PDCD6IP: variants seen among roughly 807,000 people sequenced by gnomAD.
PDCD6IP encodes programmed cell death 6 interacting protein.
A neutral mutation model predicts 103.7 loss-of-function variants in PDCD6IP; 43 were observed. That is an observed-to-expected ratio of 0.41 (90% CI 0.32 to 0.53). The LOEUF (loss-of-function observed/expected upper bound fraction) is 0.53, where lower values mean the gene tolerates loss of function less well. Among genes scored for constraint, PDCD6IP ranks in the 20% least tolerant of loss-of-function variants. PDCD6IP has a pLI of 0.16. For missense variants in PDCD6IP, 871 were observed against 1,036.7 expected, an observed-to-expected ratio of 0.84 and a Z score of 2.20; for synonymous variants, 354 against 378.7, an observed-to-expected ratio of 0.93 and a Z score of 0.76.
At chr3:33,866,038 CT>C (rs1487849681) in intron 17 of PDCD6IP, among the ~76,000 whole-genome samples, 1 of 152,028 alleles carries the variant, frequency 6.6e-6, no homozygotes, top group African/African-American at 2.4e-5. Flanking sequence ...ATTTAGATGA[CT>C]AGTTTTGCCA....
rs556037530 is a variant in PDCD6IP at position 33,820,793 on chromosome 3, T to G, written c.335-1162T>G. Reference sequence around the variant, plus strand: ...GTATATACCACATTTTGTTTATATATTCATCAGATCACAGACACTTGGGTT... The same window carrying G: ...GTATATACCACATTTTGTTTATATAGTCATCAGATCACAGACACTTGGGTT... On this transcript the variant is annotated intron_variant, in intron 3 of 17. Transcript: ENST00000307296. Among the ~76,000 whole-genome samples, 9 of 152,354 alleles carry G rather than the reference T, an allele frequency of 5.9e-5. No homozygotes were observed. In the South Asian group the frequency reaches 1.7e-3, roughly 28 times the overall value.
chr3:33,847,904 T>C (rs763938336), intron 12 of PDCD6IP, among the ~76,000 whole-genome samples: 2 of 152,172 alleles, frequency 1.3e-5, no homozygotes, highest in Non-Finnish European at 2.9e-5. Flanking sequence ...AAGGAACATG[T>C]ATTTTTTTGC....
intron 12 of PDCD6IP, among the ~76,000 whole-genome samples, 155 bp from the exon 13 acceptor site, chr3:33,852,333 C>A (rs1697732043): frequency 6.6e-6 from 1 of 151,138 alleles, no homozygotes; most frequent in African/African-American, 2.4e-5. Flanking sequence ...GGTACAGTGT[C>A]TATCTATATA....
intron 11 of PDCD6IP, among the ~76,000 whole-genome samples, chr3:33,844,554 C>T (rs555545866): frequency 2.0e-5 from 3 of 152,060 alleles, no homozygotes; most frequent in African/African-American, 7.2e-5. Context: ...GATCACAGCT[C>T]GCTGCAGCCC....
At chr3:33,814,685 A>G (rs919059380) in intron 3 of PDCD6IP, among the ~76,000 whole-genome samples, 5 of 145,270 alleles carry the variant, frequency 3.4e-5, no homozygotes, top group African/African-American at 1.3e-4. Flanking sequence ...ATGTGTATAT[A>G]ATGTGTATTA....
At chr3:33,817,363 A>G (rs1696878095) in intron 3 of PDCD6IP, among the ~76,000 whole-genome samples, 1 of 152,250 alleles carries the variant, frequency 6.6e-6, no homozygotes, top group African/African-American at 2.4e-5. Context: ...TAACTCTGGA[A>G]GATGAGATGT....
At chr3:33,830,106 A>G (rs76621338) in intron 7 of PDCD6IP, among the ~76,000 whole-genome samples, 2,352 of 152,198 alleles carry the variant, frequency 0.015, 25 homozygotes, top group South Asian at 0.027. Context: ...ACTTTGGGGG[A>G]CACATTCAGA....
intron 6 of PDCD6IP, chr3:33,827,317 C>A: frequency 1.7e-6 from 1 of 585,416 alleles, no homozygotes; most frequent in East Asian, 1.4e-4. Flanking sequence ...GAATTAGTTT[C>A]ATCATATGGT....
At chr3:33,865,458 G>T in intron 17 of PDCD6IP, 28 bp downstream of exon 17, 1 of 1,547,552 alleles carries the variant, frequency 6.5e-7, no homozygotes. Context: ...TGTATCCCAA[G>T]TTGGCTAATG....
chr3:33,848,852 G>C (rs1303904358), intron 12 of PDCD6IP, among the ~76,000 whole-genome samples: 4 of 152,000 alleles, frequency 2.6e-5, no homozygotes, highest in Non-Finnish European at 4.4e-5. Flanking sequence ...CTAAGAATGA[G>C]TTTTACATTT....
In PDCD6IP at chr3:33,866,343, T is replaced by TCCCC; in HGVS notation, c.2433-7_2433-6insCCCC. ...ACCAATCAAGATTTTTCTGTTTTCT[T>TCCCC]CTATCAGGTATTGCCAAATGCCCAT... On this transcript the variant is annotated splice_region_variant and splice_polypyrimidine_tract_variant and intron_variant, in intron 17 of 17. Coordinates refer to ENST00000307296, the MANE Select transcript of PDCD6IP (RefSeq NM_013374.6). 1 of 1,473,574 alleles carries TCCCC rather than the reference T, an allele frequency of 6.8e-7. No individual in the cohort carries two copies. Among genetic ancestry groups the TCCCC allele is most frequent in the Non-Finnish European group, 9.1e-7 (1 of 1,103,808 alleles). The allele number at this position is 1,473,574 out of a possible 1,614,324, so 91.3% of individuals were successfully genotyped here. A position where few individuals can be genotyped will look rare whatever the true frequency, so the allele number is the denominator to read the frequency against.
intron 1 of PDCD6IP, chr3:33,810,985 A>C: frequency 3.6e-6 from 1 of 276,288 alleles, no homozygotes; most frequent in South Asian, 2.8e-5. Flanking sequence ...CCTCCAGATC[A>C]AGTGATCCTC....
chr3:33,821,963 A>G lies in PDCD6IP; in HGVS notation c.343A>G (p.Ser115Gly), dbSNP rs980075372. The change falls in exon 4 of 18, where the codon AGC becomes GGC. Residue 115 changes from serine to glycine, a missense_variant. This residue lies in a region of PDCD6IP where 47 missense variants were observed against 83.7 expected (regional missense o/e 0.56). Coordinates refer to ENST00000307296, the MANE Select transcript of PDCD6IP (RefSeq NM_013374.6). ...FGGSVKLALA[S>G]LGYEKSCVLF... ...TTCTCAATTTTTTACAGCTCTTGCA[A>G]GCTTAGGATATGAAAAGAGCTGTGT... 3 of 1,610,646 alleles carry G rather than the reference A, an allele frequency of 1.9e-6. No homozygotes were observed. In the African/African-American group the frequency reaches 4.0e-5, roughly 22 times the overall value.
chr3:33,799,103 C>T (rs1559766862), intron 1 of PDCD6IP, 166 bp downstream of exon 1: 1 of 682,780 alleles, frequency 1.5e-6, no homozygotes, highest in Non-Finnish European at 2.4e-6. Flanking sequence ...GAGCAGGACC[C>T]GCCCTGCAGG....
intron 9 of PDCD6IP, among the ~76,000 whole-genome samples, chr3:33,838,806 A>G (rs9874319): frequency 6.6e-6 from 1 of 150,858 alleles, no homozygotes; most frequent in Non-Finnish European, 1.5e-5. Flanking sequence ...ATATATATAT[A>G]TTTTTTGTTT....
intron 4 of PDCD6IP, among the ~76,000 whole-genome samples, chr3:33,824,231 G>A (rs1697059521): frequency 6.7e-6 from 1 of 150,074 alleles, no homozygotes; most frequent in African/African-American, 2.4e-5. Flanking sequence ...TCTCTGTGTT[G>A]TCTATTTATC....
chr3:33,834,519 T>C (rs954743706), intron 7 of PDCD6IP, among the ~76,000 whole-genome samples: 1 of 152,222 alleles, frequency 6.6e-6, no homozygotes, highest in African/African-American at 2.4e-5. Flanking sequence ...GTTTTGGTTA[T>C]CTTTCTCTAA....
intron 3 of PDCD6IP, among the ~76,000 whole-genome samples, chr3:33,820,639 A>G (rs539867068): frequency 2.6e-5 from 4 of 152,328 alleles, no homozygotes; most frequent in Admixed American, 6.5e-5. Flanking sequence ...GGTAACTCAT[A>G]TAAGTGGAAT....
chr3:33,846,015 AT>A (rs1697583581), intron 12 of PDCD6IP, among the ~76,000 whole-genome samples: 1 of 152,234 alleles, frequency 6.6e-6, no homozygotes, highest in South Asian at 2.1e-4. Context: ...CAAGGTGTGC[AT>A]GTTAATAAAT....
Sources: allele counts gnomAD v4.1 joint callset (sites outside exome capture counted in the v4.1 genomes callset), GRCh38; gene constraint gnomAD v4.1.1; regional missense constraint gnomAD v4.1.1; transcripts MANE v1.5; gene names NCBI Gene and HGNC (gene_info 2026-07-23, HGNC 2026-07-21).